Variants in SOX5 observed in about 807,000 individuals in gnomAD.
SOX5 encodes transcription factor SOX-5.
In SOX5, 9 loss-of-function variants were observed where a neutral mutation model predicts 92.0. The ratio of observed to expected loss-of-function variants is 0.10; its 90% CI spans 0.06 to 0.17. The LOEUF (loss-of-function observed/expected upper bound fraction) is 0.17, where lower values mean the gene tolerates loss of function less well. SOX5 is among the 10% of genes least tolerant of loss of function. SOX5 has a pLI of 1.00. For missense variants in SOX5, 642 were observed against 944.5 expected, an observed-to-expected ratio of 0.68 and a Z score of 4.20; for synonymous variants, 344 against 336.3, an observed-to-expected ratio of 1.02 and a Z score of -0.25.
At chr12:23,981,952 T>C (rs1298095372) in intron 4 of SOX5, among the ~76,000 whole-genome samples, 1 of 152,150 alleles carries the variant, frequency 6.6e-6, no homozygotes, top group Non-Finnish European at 1.5e-5. Context: ...CAATACTCTA[T>C]TATAATATTT....
At chr12:23,911,274 A>C (rs1435201408) in intron 1 of SOX5, among the ~76,000 whole-genome samples, 1 of 152,144 alleles carries the variant, frequency 6.6e-6, no homozygotes, top group Non-Finnish European at 1.5e-5. Flanking sequence ...AAACCCCAAA[A>C]AAATGTTATT....
intron 4 of SOX5, among the ~76,000 whole-genome samples, chr12:24,030,013 T>C (rs1459932864): frequency 1.3e-5 from 2 of 151,918 alleles, no homozygotes; most frequent in Non-Finnish European, 2.9e-5. Context: ...AGGTACGTGT[T>C]GTTTTCACCT....
Position 24,517,262 on chromosome 12 carries a change from T to G in SOX5, c.-251+45067A>C, listed in dbSNP as rs1196931044. Among the ~76,000 whole-genome samples, 4 of 152,146 alleles carry G rather than the reference T, an allele frequency of 2.6e-5. No homozygotes were observed. The East Asian group carries it at 7.7e-4, about 29-fold the overall frequency. On this transcript the variant is annotated intron_variant, in intron 1 of 4. Transcript: ENST00000446891. ...GTAAATTAACAAATTCTGAATAGCT[T>G]GTAAAAAGGAAATCTACAAGAAGAT...
At chr12:24,306,443 A>C (rs1044949535) in intron 2 of SOX5, among the ~76,000 whole-genome samples, 1 of 152,246 alleles carries the variant, frequency 6.6e-6, no homozygotes, top group African/African-American at 2.4e-5. Context: ...TAAAAAAAGC[A>C]GAGAGCGCTC....
chr12:24,416,141 C>T (rs1566110186), intron 1 of SOX5, among the ~76,000 whole-genome samples: 1 of 152,110 alleles, frequency 6.6e-6, no homozygotes, highest in Non-Finnish European at 1.5e-5. Context: ...GCTGGCAGGC[C>T]CAAGCAAGAG....
intron 13 of SOX5, among the ~76,000 whole-genome samples, chr12:23,538,284 A>G (rs1428989085): frequency 4.6e-5 from 7 of 152,224 alleles, no homozygotes; most frequent in Admixed American, 2.0e-4. Context: ...TAGAAATGTT[A>G]CCATTGGAAG....
chr12:24,285,911 C>T (rs985480756), intron 2 of SOX5, among the ~76,000 whole-genome samples: 1 of 151,824 alleles, frequency 6.6e-6, no homozygotes, highest in Non-Finnish European at 1.5e-5. Flanking sequence ...TTTGTCTTAC[C>T]CAAAACACTT....
chr12:24,438,975 C>T (rs945139269), intron 1 of SOX5, among the ~76,000 whole-genome samples: 21 of 152,184 alleles, frequency 1.4e-4, no homozygotes, highest in Non-Finnish European at 2.9e-4. Context: ...TGTCAAACAG[C>T]CTTGTCTCCT....
intron 6 of SOX5, among the ~76,000 whole-genome samples, chr12:23,683,196 A>T (rs987598697): frequency 6.6e-6 from 1 of 151,924 alleles, no homozygotes; most frequent in Non-Finnish European, 1.5e-5. Flanking sequence ...AGTGTTAAAC[A>T]TATTTCTAAA....
intron 4 of SOX5, among the ~76,000 whole-genome samples, chr12:24,122,556 C>G (rs976684070): frequency 2.6e-5 from 4 of 152,070 alleles, no homozygotes; most frequent in Non-Finnish European, 5.9e-5. Flanking sequence ...GACATTTTGT[C>G]AAGAAGACAG....
intron 2 of SOX5, among the ~76,000 whole-genome samples, chr12:24,301,742 C>G (rs988990596): frequency 1.3e-5 from 2 of 152,070 alleles, no homozygotes; most frequent in Admixed American, 1.3e-4. Context: ...TTTGTACTGT[C>G]CTGGGTGGAG....
At chr12:24,316,070 G>C (rs1214426935) in intron 2 of SOX5, among the ~76,000 whole-genome samples, 2 of 152,160 alleles carry the variant, frequency 1.3e-5, no homozygotes, top group South Asian at 2.1e-4. Flanking sequence ...GCCATGCCAG[G>C]GACAGTCACC....
At chr12:24,374,351 C>T (rs889356091) in intron 1 of SOX5, among the ~76,000 whole-genome samples, 2 of 152,056 alleles carry the variant, frequency 1.3e-5, no homozygotes, top group Non-Finnish European at 2.9e-5. Flanking sequence ...TCCATCTAAC[C>T]TGGTGAGAGA....
chr12:23,779,785 T>G (rs12820580), intron 3 of SOX5, among the ~76,000 whole-genome samples: 1 of 85,374 alleles, frequency 1.2e-5, no homozygotes, highest in Non-Finnish European at 2.1e-5. Flanking sequence ...TTTCACAGAT[T>G]AAAATATATA....
At chr12:24,252,772 T>G (rs1260526065) in intron 3 of SOX5, among the ~76,000 whole-genome samples, 2 of 151,718 alleles carry the variant, frequency 1.3e-5, no homozygotes, top group Non-Finnish European at 2.9e-5. Context: ...AGCAAGGTGC[T>G]CCACACGATC....
chr12:24,073,842 C>T (rs535584190), intron 4 of SOX5, among the ~76,000 whole-genome samples: 1 of 152,082 alleles, frequency 6.6e-6, no homozygotes, highest in Non-Finnish European at 1.5e-5. Flanking sequence ...TTTACAAAAC[C>T]ATGCAGAAAG....
chr12:23,632,937 A>C (rs190095420), intron 8 of SOX5, among the ~76,000 whole-genome samples: 1 of 152,254 alleles, frequency 6.6e-6, no homozygotes, highest in Non-Finnish European at 1.5e-5. Context: ...TATTATTATG[A>C]ATTTTTAAAA....
chr12:23,546,238 A>AT (rs992747324), intron 12 of SOX5, 78 bp downstream of exon 12: 5 of 816,640 alleles, frequency 6.1e-6, no homozygotes, highest in African/African-American at 3.4e-5. Flanking sequence ...TGTCTAGTCT[A>AT]TTTTTTAGCA....
intron 1 of SOX5, among the ~76,000 whole-genome samples, chr12:24,538,163 C>T (rs927358235): frequency 1.4e-4 from 22 of 152,188 alleles, no homozygotes; most frequent in Non-Finnish European, 2.9e-5. Flanking sequence ...CCAGGGATCT[C>T]TCTGTACTGA....
Sources: gnomAD v4.1 joint callset for allele counts (sites outside exome capture counted in the v4.1 genomes callset) on GRCh38, gnomAD v4.1.1 for gene constraint, MANE v1.5 for transcripts, NCBI Gene and HGNC (gene_info 2026-07-23, HGNC 2026-07-21) for gene names.